Variants in SUDS3 observed in about 807,000 individuals in gnomAD.
SUDS3 encodes the protein sin3 histone deacetylase corepressor complex component SDS3.
In SUDS3, 23 loss-of-function variants were observed where a neutral mutation model predicts 53.5. That is an observed-to-expected ratio of 0.43 (90% confidence interval 0.31 to 0.61). The LOEUF is 0.61. SUDS3 is among the 20% of genes least tolerant of loss of function. The probability of loss-of-function intolerance (pLI) is 0.10; values close to 1 mark genes in which losing one functional copy is unlikely to be tolerated. For synonymous variants in SUDS3, 150 were observed against 148.5 expected, an observed-to-expected ratio of 1.01 and a Z score of -0.08; for missense variants, 291 against 405.9, an observed-to-expected ratio of 0.72 and a Z score of 2.43.
chr12:118,402,026 A>C (rs762745062), intron 9 of SUDS3, 22 bp downstream of exon 9: 1 of 1,613,748 alleles, frequency 6.2e-7, no homozygotes, highest in Admixed American at 1.7e-5. Flanking sequence ...ATGTGTTGGC[A>C]TTTGTGCAAC....
chr12:118,407,861 G>C (rs1031546757), intron 10 of SUDS3, among the ~76,000 whole-genome samples: 18 of 151,602 alleles, frequency 1.2e-4, no homozygotes, highest in African/African-American at 3.6e-4. Context: ...TGGGACTACA[G>C]GCACACGCCA....
chr12:118,399,508 A>G (rs570620344), intron 6 of SUDS3, among the ~76,000 whole-genome samples: 2 of 152,260 alleles, frequency 1.3e-5, no homozygotes, highest in South Asian at 4.2e-4. Context: ...TCTTGAAAAA[A>G]TAAGAAATAT....
At chr12:118,398,470 GGT>G (rs143847475) in intron 6 of SUDS3, among the ~76,000 whole-genome samples, 6 of 150,854 alleles carry the variant, frequency 4.0e-5, no homozygotes, top group East Asian at 1.9e-4. Context: ...ACTTGTTTCT[GGT>G]GTGTGTGTGT....
At position 118,398,509 on chromosome 12, in the gene SUDS3, T is replaced by G. The variant is rs1334778246; in HGVS notation, c.518-2150T>G. Among the ~76,000 whole-genome samples the G allele has an allele frequency of 2.0e-5, 3 of 152,138 alleles. No homozygotes were observed. The East Asian group carries it at 5.8e-4, about 29-fold the overall frequency. ...TGTGTTTATACTTCCAAGTACACTT[T>G]TATAAATATTCATTAGGGCTTTGGT... On this transcript the variant is annotated intron_variant, in intron 6 of 11. Coordinates refer to ENST00000543473, the MANE Select transcript of SUDS3 (RefSeq NM_022491.3).
chr12:118,382,345 GCCAC>G (rs2141361292), intron 2 of SUDS3, among the ~76,000 whole-genome samples: 1 of 79,134 alleles, frequency 1.3e-5, no homozygotes, highest in Non-Finnish European at 2.2e-5. Flanking sequence ...ATCGTGCCAG[GCCAC>G]TTTTTTTTGA....
At chr12:118,384,579 T>C (rs1018742584) in intron 3 of SUDS3, among the ~76,000 whole-genome samples, 2 of 152,146 alleles carry the variant, frequency 1.3e-5, no homozygotes, top group African/African-American at 4.8e-5. Flanking sequence ...ACACCTGTAA[T>C]CCCAGCACTT....
chr12:118,398,795 CATT>C lies in SUDS3; in HGVS notation c.518-1861_518-1859del, dbSNP rs1441142310. On this transcript the variant is annotated intron_variant, in intron 6 of 11. Transcript: ENST00000543473. ...CCTCATCTACCCGTTCTGCACAAAA[CATT>C]ATGCACCCCTACTGTGCCAGACTAT... Among the ~76,000 whole-genome samples the C allele has an allele frequency of 3.9e-5, 6 of 152,234 alleles. No individual in the cohort carries two copies. In the East Asian group the frequency reaches 1.2e-3, roughly 29 times the overall value.
intron 4 of SUDS3, among the ~76,000 whole-genome samples, chr12:118,387,096 G>T (rs1037341958): frequency 3.3e-5 from 5 of 152,156 alleles, no homozygotes; most frequent in Non-Finnish European, 5.9e-5. Context: ...GTGAGAAGCT[G>T]CCCAGTGCAC....
At chr12:118,380,863 C>T (rs1201945028) in intron 2 of SUDS3, among the ~76,000 whole-genome samples, 1 of 152,148 alleles carries the variant, frequency 6.6e-6, no homozygotes, top group Non-Finnish European at 1.5e-5. Context: ...CGCCACCACG[C>T]TCAGCTAATT....
chr12:118,385,132 T>C (rs1475905872), intron 3 of SUDS3, among the ~76,000 whole-genome samples: 1 of 151,866 alleles, frequency 6.6e-6, no homozygotes, highest in African/African-American at 2.4e-5. Context: ...TTTTCGAGGC[T>C]GAGTTCCGCT....
chr12:118,406,882 C>T (rs2046313072), intron 10 of SUDS3, among the ~76,000 whole-genome samples: 1 of 139,082 alleles, frequency 7.2e-6, no homozygotes, highest in Non-Finnish European at 1.5e-5. Flanking sequence ...ACCGCCCCCG[C>T]CCCCCCATAT....
chr12:118,387,739 T>G (rs1271492467), intron 4 of SUDS3, among the ~76,000 whole-genome samples: 2 of 152,044 alleles, frequency 1.3e-5, no homozygotes, highest in Non-Finnish European at 2.9e-5. Context: ...TTAGTAGAGA[T>G]AGGTTTTCAC....
rs371741022 is a variant in SUDS3 at position 118,386,222 on chromosome 12, A to G, written c.340+37A>G. The stretch of plus-strand genomic sequence containing the variant: ...TTAAATGGCAATGAATCATCTTTCA[A>G]TGTTTGACCATTTGCCGATCGTCGG... On this transcript the variant is annotated intron_variant, in intron 4 of 11. Coordinates refer to ENST00000543473, the MANE Select transcript of SUDS3 (RefSeq NM_022491.3). 98 of 1,511,076 alleles carry G rather than the reference A, an allele frequency of 6.5e-5. 2 individuals are homozygous for G. In the African/African-American group the frequency reaches 8.7e-4, roughly 13 times the overall value. The allele number at this position is 1,511,076 out of a possible 1,614,324, so 93.6% of individuals were successfully genotyped here.
At chr12:118,387,255 T>C (rs1032352957) in intron 4 of SUDS3, among the ~76,000 whole-genome samples, 1 of 152,208 alleles carries the variant, frequency 6.6e-6, no homozygotes. Context: ...TGAGATGTCT[T>C]GAAAATCCTC....
rs151146947 is a variant in SUDS3 at position 118,382,914 on chromosome 12, C to G, written c.213-1098C>G. The stretch of plus-strand genomic sequence containing the variant: ...AACTCCTGACCTCAAGTGATCCACC[C>G]GCCTCGGCCTCCTAAAGTGCTGGGA... On this transcript the variant is annotated intron_variant, in intron 2 of 11. Coordinates refer to ENST00000543473, the MANE Select transcript of SUDS3 (RefSeq NM_022491.3). 9.4e-3 allele frequency among the ~76,000 whole-genome samples: 1,426 copies of G among 151,990 alleles called. 14 individuals are homozygous for G. The highest frequency in any genetic ancestry group is 0.032 in the African/African-American group (1,339 of 41,450).
chr12:118,392,293 T>C (rs137976984), intron 6 of SUDS3, among the ~76,000 whole-genome samples: 1 of 152,326 alleles, frequency 6.6e-6, no homozygotes, highest in Non-Finnish European at 1.5e-5. Flanking sequence ...AAATTAAAAG[T>C]AGCCAGTTAA....
chr12:118,408,169 G>A (rs1026980699), intron 10 of SUDS3, among the ~76,000 whole-genome samples: 5 of 152,180 alleles, frequency 3.3e-5, no homozygotes, highest in African/African-American at 1.2e-4. Flanking sequence ...AAAGTGCTGG[G>A]ATTACAGGCG....
chr12:118,402,846 C>T (rs187037113), intron 9 of SUDS3, among the ~76,000 whole-genome samples: 11 of 151,900 alleles, frequency 7.2e-5, no homozygotes, highest in African/African-American at 1.2e-4. Flanking sequence ...GTGCAACCTC[C>T]GACTCCCAGG....
Position 118,417,424 on chromosome 12 carries a change from C to T in SUDS3, c.*2991C>T, listed in dbSNP as rs1405631175. ...TTTACAGTTTTTTGGGTTTGGCTTCCTTCTCACATTTCTTTAGCTTTGAAT... is the reference window on the plus strand; with the variant it reads ...TTTACAGTTTTTTGGGTTTGGCTTCTTTCTCACATTTCTTTAGCTTTGAAT... On this transcript the variant is annotated 3_prime_UTR_variant, in exon 12 of 12. Coordinates refer to ENST00000543473, the MANE Select transcript of SUDS3 (RefSeq NM_022491.3). 1 of 151,780 alleles carries T rather than the reference C, an allele frequency of 6.6e-6. No homozygotes were observed. Among genetic ancestry groups the T allele is most frequent in the Non-Finnish European group, 1.5e-5 (1 of 67,950 alleles). 9.4% of individuals were successfully genotyped at this position (151,780 alleles called of 1,614,324 possible).
Sources: allele counts gnomAD v4.1 joint callset (sites outside exome capture counted in the v4.1 genomes callset), GRCh38; gene constraint gnomAD v4.1.1; transcripts MANE v1.5; gene names NCBI Gene and HGNC (gene_info 2026-07-23, HGNC 2026-07-21).